LRRC18: variants seen among roughly 807,000 people sequenced by gnomAD.
The protein encoded by LRRC18 is leucine rich repeat containing 18, also known as leucine-rich repeat-containing protein 18.
A neutral mutation model predicts 11.2 loss-of-function variants in LRRC18; 12 were observed. That is an observed-to-expected ratio of 1.07 (90% CI 0.69 to 1.74). The LOEUF (loss-of-function observed/expected upper bound fraction) is 1.74, where lower values mean the gene tolerates loss of function less well. LRRC18 is among the 40% of genes most tolerant of loss of function. The pLI, the probability that LRRC18 is intolerant of heterozygous loss-of-function variation, is 0.00. For missense variants in LRRC18, 374 were observed against 330.5 expected, an observed-to-expected ratio of 1.13 and a Z score of -1.02; for synonymous variants, 155 against 130.6, an observed-to-expected ratio of 1.19 and a Z score of -1.27.
chr10:48,924,047 C>A, the LRRC18 span, among the ~76,000 whole-genome samples: 1 of 152,224 alleles, frequency 6.6e-6, no homozygotes, highest in African/African-American at 2.4e-5. Context: ...CGTTAAGGAG[C>A]CTCTCTCCAA....
chr10:48,916,075 T>C (rs1195711614), upstream of LRRC18, among the ~76,000 whole-genome samples: 1 of 152,212 alleles, frequency 6.6e-6, no homozygotes, highest in Non-Finnish European at 1.5e-5. Flanking sequence ...TTGGGCAGAA[T>C]GCACAGAGAA....
rs374978643 is a variant in LRRC18 at position 48,913,567 on chromosome 10, T to G, written c.589A>C (p.Asn197His). ...TCCTTCTCCTCCACAACATACAAGT[T>G]CTCCAGCCTCCTGATGGAGTCTATG... Residue 197 changes from asparagine to histidine, a missense_variant, in exon 1 of 2, where the codon AAC (asparagine) becomes CAC (histidine). By Grantham distance (68) the Asn-to-His change is moderately conservative (BLOSUM62 1). Coordinates refer to ENST00000374160, the Ensembl canonical transcript of LRRC18. The G allele has an allele frequency of 4.3e-6, 7 of 1,613,946 alleles. No individual in the cohort carries two copies. Among genetic ancestry groups the G allele is most frequent in the Non-Finnish European group, 5.9e-6 (7 of 1,179,988 alleles).
At chr10:48,926,001 T>C in the LRRC18 span, among the ~76,000 whole-genome samples, 2 of 152,150 alleles carry the variant, frequency 1.3e-5, no homozygotes, top group African/African-American at 4.8e-5. Flanking sequence ...CAGCAAAGAA[T>C]ACAGCCAAAG....
chr10:48,916,201 C>T (rs966798336), upstream of LRRC18, among the ~76,000 whole-genome samples: 10 of 152,270 alleles, frequency 6.6e-5, no homozygotes, highest in Middle Eastern at 3.4e-3. Flanking sequence ...TCCCCTCAAC[C>T]GTTTCTCTTG....
chr10:48,939,448 G>A, the LRRC18 span, among the ~76,000 whole-genome samples: 1 of 152,170 alleles, frequency 6.6e-6, no homozygotes, highest in East Asian at 1.9e-4. Context: ...TTTAAGTGGT[G>A]GAGATAGAAT....
the LRRC18 span, among the ~76,000 whole-genome samples, chr10:48,928,733 C>T: frequency 3.9e-5 from 6 of 152,170 alleles, no homozygotes; most frequent in African/African-American, 1.2e-4. Flanking sequence ...CCCCATCTGC[C>T]GCAGGACAGC....
the LRRC18 span, among the ~76,000 whole-genome samples, chr10:48,925,027 C>CTAGCTTTGT: frequency 6.6e-6 from 1 of 152,216 alleles, no homozygotes; most frequent in African/African-American, 2.4e-5. Flanking sequence ...ATTTCACAGC[C>CTAGCTTTGT]AGTATTTGGG....
chr10:48,932,938 G>T, the LRRC18 span, among the ~76,000 whole-genome samples: 1 of 152,184 alleles, frequency 6.6e-6, no homozygotes, highest in East Asian at 1.9e-4. Flanking sequence ...AGGGCGAAGA[G>T]CTGAGCAAGG....
exon 1 of LRRC18, chr10:48,914,066 C>G (rs770655528): frequency 6.2e-7 from 1 of 1,614,210 alleles, no homozygotes; most frequent in South Asian, 1.1e-5. Flanking sequence ...AGTCAAGGCG[C>G]TTTTTCCCAT....
chr10:48,914,285 T>TC (rs1196024300), upstream of LRRC18: 5 of 952,386 alleles, frequency 5.2e-6, no homozygotes, highest in Non-Finnish European at 7.7e-6. Flanking sequence ...GGCACTGGGC[T>TC]CCCCCACGTC....
chr10:48,939,592 G>A, the LRRC18 span, among the ~76,000 whole-genome samples: 9 of 152,204 alleles, frequency 5.9e-5, no homozygotes, highest in African/African-American at 2.2e-4. Context: ...TGATAATGAT[G>A]GATGATGGAT....
chr10:48,913,051 A>G (rs939631430), intron 1 of LRRC18, among the ~76,000 whole-genome samples: 1 of 152,150 alleles, frequency 6.6e-6, no homozygotes, highest in South Asian at 2.1e-4. Context: ...TGCCAGTGAT[A>G]GTGAGTGTGT....
chr10:48,924,551 T>C, the LRRC18 span, among the ~76,000 whole-genome samples: 1 of 152,234 alleles, frequency 6.6e-6, no homozygotes, highest in Non-Finnish European at 1.5e-5. Flanking sequence ...AGATTTCATT[T>C]CACATGAACA....
the LRRC18 span, among the ~76,000 whole-genome samples, chr10:48,925,880 T>C: frequency 4.6e-5 from 7 of 152,282 alleles, no homozygotes; most frequent in African/African-American, 1.7e-4. Flanking sequence ...GGGCCCTTCA[T>C]GTATGTCTAA....
At chr10:48,935,826 T>G in the LRRC18 span, among the ~76,000 whole-genome samples, 1 of 152,306 alleles carries the variant, frequency 6.6e-6, no homozygotes, top group African/African-American at 2.4e-5. Context: ...GTAAGCCTTG[T>G]GCTTTGCTTT....
upstream of LRRC18, among the ~76,000 whole-genome samples, chr10:48,915,546 C>A (rs1172910963): frequency 6.6e-6 from 1 of 152,120 alleles, no homozygotes; most frequent in Non-Finnish European, 1.5e-5. Flanking sequence ...TACTTCATCA[C>A]CTGTACCTTT....
the LRRC18 span, among the ~76,000 whole-genome samples, chr10:48,921,708 C>A: frequency 1.3e-5 from 2 of 152,028 alleles, no homozygotes; most frequent in Admixed American, 6.6e-5. Flanking sequence ...CTATAAAGAT[C>A]TTTTCAACTC....
chr10:48,922,071 C>A, the LRRC18 span, among the ~76,000 whole-genome samples: 1 of 152,158 alleles, frequency 6.6e-6, no homozygotes, highest in Non-Finnish European at 1.5e-5. Context: ...TAATAAATGT[C>A]CTTCAATGGG....
At chr10:48,939,366 A>AG in the LRRC18 span, among the ~76,000 whole-genome samples, 3 of 152,262 alleles carry the variant, frequency 2.0e-5, no homozygotes, top group South Asian at 6.2e-4. Flanking sequence ...CCTGTGTGAC[A>AG]GGTGTGGCCA....
Sources: allele counts gnomAD v4.1 joint callset (sites outside exome capture counted in the v4.1 genomes callset), GRCh38; gene constraint gnomAD v4.1.1; transcripts MANE v1.5; gene names NCBI Gene and HGNC (gene_info 2026-07-23, HGNC 2026-07-21).